Variants in MDFIC2 observed in about 807,000 individuals in gnomAD.
MDFIC2 encodes MyoD family inhibitor domain containing 2.
rs559964512 is a variant in MDFIC2 at position 70,272,603 on chromosome 3, C to G, written c.88+39283G>C. On this transcript the variant is annotated intron_variant, in intron 2 of 3. Coordinates refer to ENST00000567252, the MANE Select transcript of MDFIC2 (RefSeq NM_001364677.1). ...TTTACGTGGACATATGTTTTTATTT[C>G]TCTTGGGTAAATACCTAGGAGTAGA... Among the ~76,000 whole-genome samples the G allele has an allele frequency of 7.2e-5, 11 of 152,292 alleles. No homozygotes were observed. The South Asian group carries it at 2.3e-3, about 32-fold the overall frequency.
rs568174075 is a variant in MDFIC2 at position 70,210,132 on chromosome 3, T to G, written c.89-3342A>C. 3.9e-5 allele frequency among the ~76,000 whole-genome samples: 6 copies of G among 152,198 alleles called. No individual in the cohort carries two copies. The South Asian group carries it at 1.2e-3, about 32-fold the overall frequency. On this transcript the variant is annotated intron_variant, in intron 2 of 3. Transcript: ENST00000567252. ...TAGAGGTTACTGGAATGTAAGAACA[T>G]GCGGCGAATACAGTATACAGCCAAG...
chr3:70,280,584 A>G (rs960965790), intron 2 of MDFIC2, among the ~76,000 whole-genome samples: 1 of 152,124 alleles, frequency 6.6e-6, no homozygotes, highest in African/African-American at 2.4e-5. Flanking sequence ...CCTAAAATGA[A>G]GGTCTCAGAA....
chr3:70,305,108 C>A (rs1302752816), intron 2 of MDFIC2, among the ~76,000 whole-genome samples: 1 of 152,184 alleles, frequency 6.6e-6, no homozygotes, highest in African/African-American at 2.4e-5. Flanking sequence ...TCATGCCAAT[C>A]TCTATCACAA....
chr3:70,211,943 C>T (rs1701355503), intron 2 of MDFIC2, among the ~76,000 whole-genome samples: 1 of 150,782 alleles, frequency 6.6e-6, no homozygotes, highest in Non-Finnish European at 1.5e-5. Flanking sequence ...GGTGTAATTC[C>T]TTGACTGACC....
chr3:70,265,809 G>A lies in MDFIC2; in HGVS notation c.88+46077C>T, dbSNP rs140702269. On this transcript the variant is annotated intron_variant, in intron 2 of 3. Coordinates refer to ENST00000567252, the MANE Select transcript of MDFIC2 (RefSeq NM_001364677.1). ...CATGATGGGAGGCACCTCTTCACAG[G>A]GTGGCAGGAGAGAGAATGAGTGCCA... 4.8e-3 allele frequency among the ~76,000 whole-genome samples: 725 copies of A among 152,250 alleles called. 5 individuals are homozygous for A. Among genetic ancestry groups the A allele is most frequent in the African/African-American group, 0.017 (692 of 41,534 alleles).
At chr3:70,285,127 T>C (rs1702130426) in intron 2 of MDFIC2, among the ~76,000 whole-genome samples, 1 of 151,812 alleles carries the variant, frequency 6.6e-6, no homozygotes, top group African/African-American at 2.4e-5. Flanking sequence ...TACATATGTA[T>C]ACATGTGCCA....
intron 2 of MDFIC2, among the ~76,000 whole-genome samples, chr3:70,278,310 T>C (rs551780115): frequency 9.3e-4 from 142 of 152,350 alleles, no homozygotes; most frequent in African/African-American, 3.2e-3. Flanking sequence ...TACATATGTG[T>C]ATGTACCCAA....
chr3:70,235,074 T>C (rs981272427), intron 2 of MDFIC2, among the ~76,000 whole-genome samples: 6 of 152,212 alleles, frequency 3.9e-5, no homozygotes, highest in African/African-American at 1.4e-4. Flanking sequence ...TGCACTTTGC[T>C]GCAGAATGTC....
intron 3 of MDFIC2, chr3:70,205,572 A>G (rs543610371): frequency 1.3e-5 from 2 of 152,122 alleles, no homozygotes; most frequent in East Asian, 1.9e-4. Flanking sequence ...GATCCCCAAC[A>G]TACCCCATGG....
intron 2 of MDFIC2, among the ~76,000 whole-genome samples, chr3:70,292,415 T>C (rs1161489696): frequency 6.6e-6 from 1 of 152,154 alleles, no homozygotes; most frequent in African/African-American, 2.4e-5. Flanking sequence ...ACTCAATTAT[T>C]GTCACTTACT....
intron 2 of MDFIC2, among the ~76,000 whole-genome samples, chr3:70,288,318 C>A (rs1702190044): frequency 1.8e-5 from 2 of 109,670 alleles, no homozygotes; most frequent in Non-Finnish European, 1.8e-5. Flanking sequence ...CATTATGTAC[C>A]CAGTAGTCAT....
chr3:70,276,789 T>C (rs756206781), intron 2 of MDFIC2, among the ~76,000 whole-genome samples: 1 of 152,224 alleles, frequency 6.6e-6, no homozygotes, highest in Non-Finnish European at 1.5e-5. Context: ...TGACAAAGAC[T>C]ACATGGCCCA....
In MDFIC2 at chr3:70,194,909, A is replaced by G. The variant is rs574973569; in HGVS notation, c.*2017T>C. 6.6e-6 allele frequency among the ~76,000 whole-genome samples: 1 copy of G among 152,224 alleles called. No homozygotes were observed. Among genetic ancestry groups the G allele is most frequent in the Non-Finnish European group, 1.5e-5 (1 of 68,004 alleles). Reference sequence around the variant, plus strand: ...GTAGAGGGGTGGGTGCTCAGAGAGGAGCCAAGAGGGATGGGACATAAGGAA... The same window carrying G: ...GTAGAGGGGTGGGTGCTCAGAGAGGGGCCAAGAGGGATGGGACATAAGGAA... On this transcript the variant is annotated 3_prime_UTR_variant, in exon 4 of 4. Transcript: ENST00000567252.
intron 2 of MDFIC2, among the ~76,000 whole-genome samples, chr3:70,208,285 T>C (rs530895617): frequency 6.6e-6 from 1 of 152,224 alleles, no homozygotes; most frequent in Admixed American, 6.5e-5. Flanking sequence ...ATTGAGTTAC[T>C]GAAATTGATA....
chr3:70,198,689 TA>T (rs1257960820), intron 3 of MDFIC2, among the ~76,000 whole-genome samples: 2 of 152,192 alleles, frequency 1.3e-5, no homozygotes, highest in Admixed American at 6.5e-5. Context: ...TTAATTGTCA[TA>T]TATTGTTGCA....
chr3:70,242,270 G>A (rs1325099337), intron 2 of MDFIC2, among the ~76,000 whole-genome samples: 6 of 152,072 alleles, frequency 3.9e-5, no homozygotes, highest in Admixed American at 1.3e-4. Flanking sequence ...AATCAAGTTG[G>A]CTCTGATAAC....
Position 70,200,618 on chromosome 3 carries a change from T to A in MDFIC2, c.311-3433A>T, listed in dbSNP as rs191000544. Among the ~76,000 whole-genome samples the A allele has an allele frequency of 3.9e-5, 6 of 152,340 alleles. No homozygotes were observed. The East Asian group carries it at 1.2e-3, about 29-fold the overall frequency. ...TCTCACAGCAATCTGTTTTATTTTT[T>A]CTTCATAGCACTGACCATACGATGG... On this transcript the variant is annotated intron_variant, in intron 3 of 3. Transcript: ENST00000567252.
chr3:70,259,336 T>C (rs1481784943), intron 2 of MDFIC2, among the ~76,000 whole-genome samples: 1 of 152,082 alleles, frequency 6.6e-6, no homozygotes, highest in East Asian at 1.9e-4. Context: ...CTCCAGCTCT[T>C]TAGAGGATCT....
rs770689062 is a variant in MDFIC2 at position 70,274,090 on chromosome 3, T to TGTGTGTGTGC, written c.88+37795_88+37796insGCACACACAC. 4.0e-3 allele frequency among the ~76,000 whole-genome samples: 575 copies of TGTGTGTGTGC among 145,052 alleles called. 2 individuals are homozygous for TGTGTGTGTGC. The highest frequency in any genetic ancestry group is 6.0e-3 in the Non-Finnish European group (405 of 67,226). On this transcript the variant is annotated intron_variant, in intron 2 of 3. Transcript: ENST00000567252. ...GTGTGTGTGTGTGTGTGTGTGTGTG[T>TGTGTGTGTGC]GCGCGCGCGCATGTGTGTGTGTGAG...
Sources: allele counts gnomAD v4.1 joint callset (sites outside exome capture counted in the v4.1 genomes callset), GRCh38; gene constraint gnomAD v4.1.1; transcripts MANE v1.5; gene names NCBI Gene and HGNC (gene_info 2026-07-23, HGNC 2026-07-21).